Variants in GSTO1 observed in about 807,000 individuals in gnomAD.
GSTO1 encodes the protein glutathione S-transferase omega 1.
GSTO1 carries 27 observed loss-of-function variants against 23.8 expected under a neutral mutation model. The ratio of observed to expected loss-of-function variants is 1.13; its 90% confidence interval spans 0.83 to 1.56. The LOEUF is 1.56. Ranked by LOEUF, GSTO1 falls within the 40% of genes most tolerant of loss-of-function variation. GSTO1 has a pLI of 0.00. For missense variants in GSTO1, 255 were observed against 285.8 expected (o/e 0.89, Z 0.78); for synonymous variants, 105 against 109.3 (o/e 0.96, Z 0.25).
At chr10:104,255,064 G>A in intron 1 of GSTO1, 99 bp from the exon 2 acceptor site, 10 of 1,446,078 alleles carry the variant, frequency 6.9e-6, no homozygotes, top group Non-Finnish European at 9.5e-6. Flanking sequence ...CCCCACCGGC[G>A]GGGAACGGGT....
rs578211603 is a variant in GSTO1, at chr10:104,262,945, A to G, written c.367-34A>G. On this transcript the variant is annotated intron_variant, in intron 3 of 5. Transcript: ENST00000369713. ...TGAGGGGGCCGATACAGTTAGCCAT[A>G]AACTGATAAACTAAGAAATTATTCT... 7.9e-5 allele frequency: 74 copies of G among 932,784 alleles called. 2 individuals are homozygous for G. The South Asian group carries it at 1.0e-3, about 13-fold the overall frequency. The allele number at this position is 932,784 out of a possible 1,614,324, so 57.8% of individuals were successfully genotyped here. A position where few individuals can be genotyped will look rare whatever the true frequency, so the allele number is the denominator to read the frequency against.
Position 104,267,152 on chromosome 10 carries a change from A to G in GSTO1, c.573-100A>G, listed in dbSNP as rs58089981. ...ATATTTTTAATGAAATATTTAAGGGAAAAAAGTGAAACTGTAGAGTAATAA... is the reference window on the plus strand; with the variant it reads ...ATATTTTTAATGAAATATTTAAGGGGAAAAAGTGAAACTGTAGAGTAATAA... On this transcript the variant is annotated intron_variant, in intron 5 of 5. Coordinates refer to ENST00000369713, the MANE Select transcript of GSTO1 (RefSeq NM_004832.3). 16,087 of 675,592 alleles carry G rather than the reference A, an allele frequency of 0.024. 1,890 individuals carry two copies. The African/African-American group carries it at 0.26, about 11-fold the overall frequency. The allele number at this position is 675,592 out of a possible 1,614,324, so 41.8% of individuals were successfully genotyped here.
intron 4 of GSTO1, among the ~76,000 whole-genome samples, chr10:104,265,799 C>A (rs538980861): frequency 1.8e-3 from 274 of 152,274 alleles, no homozygotes; most frequent in African/African-American, 6.2e-3. Flanking sequence ...TCCCAGGAAT[C>A]CTTTCTATAT....
At position 104,259,587 on chromosome 10, in the gene GSTO1, T is replaced by C. The variant is rs1297390928; in HGVS notation, c.155T>C (p.Ile52Thr). Reference protein sequence around the residue: ...LKAKGIRHEVININLKNKPEW... With the variant: ...LKAKGIRHEVTNINLKNKPEW... Reference sequence around the variant, plus strand: ...TATGTGTCTTTCAGGCATGAAGTCATCAATATCAACCTGAAAAATAAGCCT... The same window carrying C: ...TATGTGTCTTTCAGGCATGAAGTCACCAATATCAACCTGAAAAATAAGCCT... Residue 52 changes from isoleucine (I) to threonine (T), a missense_variant, in exon 3 of 6, where the codon ATC (isoleucine) becomes ACC (threonine). Physicochemically the swap from Ile to Thr is moderately conservative, Grantham distance 89. Coordinates refer to ENST00000369713, the MANE Select transcript of GSTO1 (RefSeq NM_004832.3). The C allele has an allele frequency of 2.5e-6, 4 of 1,604,780 alleles. No homozygotes were observed. Among genetic ancestry groups the C allele is most frequent in the Non-Finnish European group, 3.4e-6 (4 of 1,171,764 alleles).
In GSTO1 at chr10:104,255,157, C is replaced by T. The variant is rs112099039; in HGVS notation, c.35-6C>T. 2.5e-6 allele frequency: 4 copies of T among 1,608,242 alleles called. No individual in the cohort carries two copies. Among genetic ancestry groups the T allele is most frequent in the Admixed American group, 1.7e-5 (1 of 59,894 alleles). ...GGCCGTAATCGCCTTCGCTTCTCCCCGGCAGGAAGCGCGCCCCCGGGGCCG... is the reference window on the plus strand; with the variant it reads ...GGCCGTAATCGCCTTCGCTTCTCCCTGGCAGGAAGCGCGCCCCCGGGGCCG... On this transcript the variant is annotated splice_polypyrimidine_tract_variant and splice_region_variant and intron_variant, in intron 1 of 5. Transcript: ENST00000369713.
At chr10:104,260,644 T>G (rs1433392521) in intron 3 of GSTO1, among the ~76,000 whole-genome samples, 1 of 152,248 alleles carries the variant, frequency 6.6e-6, no homozygotes, top group Non-Finnish European at 1.5e-5. Context: ...GACTAAAAGA[T>G]GTGTGTTTAG....
Position 104,254,899 on chromosome 10 carries a change from C to G in GSTO1, c.-30C>G. Reference sequence around the variant, plus strand: ...CTACTTCCTGAATCCCCTGCAAACCCCAGAGGAGCTCGGCCTGCGCTGCGC... The same window carrying G: ...CTACTTCCTGAATCCCCTGCAAACCGCAGAGGAGCTCGGCCTGCGCTGCGC... On this transcript the variant is annotated 5_prime_UTR_variant, in exon 1 of 6. Transcript: ENST00000369713. 1.2e-6 allele frequency: 2 copies of G among 1,608,962 alleles called. No homozygotes were observed. The highest frequency in any genetic ancestry group is 1.7e-6 in the Non-Finnish European group (2 of 1,177,482).
At chr10:104,257,849 GATTT>G (rs913833851) in intron 2 of GSTO1, among the ~76,000 whole-genome samples, 3 of 152,132 alleles carry the variant, frequency 2.0e-5, no homozygotes, top group Non-Finnish European at 4.4e-5. Flanking sequence ...CATTTCCACA[GATTT>G]ATTCATTCAT....
chr10:104,259,867 T>C, intron 3 of GSTO1, 69 bp downstream of exon 3: 2 of 982,090 alleles, frequency 2.0e-6, no homozygotes, highest in Non-Finnish European at 3.2e-6. Context: ...AGTGCTGCCA[T>C]TTATGGTTCA....
intron 4 of GSTO1, among the ~76,000 whole-genome samples, chr10:104,265,205 C>A (rs1291379343): frequency 6.6e-6 from 1 of 152,142 alleles, no homozygotes; most frequent in Non-Finnish European, 1.5e-5. Flanking sequence ...AGCCATGGAA[C>A]CAGCACCCAT....
intron 2 of GSTO1, among the ~76,000 whole-genome samples, chr10:104,255,669 T>G (rs1037221124): frequency 1.1e-4 from 16 of 152,240 alleles, no homozygotes; most frequent in Non-Finnish European, 1.5e-4. Flanking sequence ...TTAGTTGTTA[T>G]TCTGAATGTA....
chr10:104,258,798 C>G (rs1000711862), intron 2 of GSTO1, among the ~76,000 whole-genome samples: 2 of 151,760 alleles, frequency 1.3e-5, no homozygotes, highest in African/African-American at 4.8e-5. Context: ...CAGTGAGCTG[C>G]GATCAAGCCA....
rs749278264 is a variant in GSTO1 at position 104,254,920 on chromosome 10, T to A, written c.-9T>A. ...AACCCCAGAGGAGCTCGGCCTGCGC[T>A]GCGCCACGATGTCCGGGGAGTCAGC... On this transcript the variant is annotated 5_prime_UTR_variant, in exon 1 of 6. Transcript: ENST00000369713. 9 of 1,611,396 alleles carry A rather than the reference T, an allele frequency of 5.6e-6. No individual in the cohort carries two copies. Among genetic ancestry groups the A allele is most frequent in the South Asian group, 5.5e-5 (5 of 90,444 alleles).
At chr10:104,255,871 G>A (rs749530530) in intron 2 of GSTO1, among the ~76,000 whole-genome samples, 1 of 152,120 alleles carries the variant, frequency 6.6e-6, no homozygotes. Context: ...TTTGACTTAC[G>A]GGCTATCCAC....
intron 3 of GSTO1, among the ~76,000 whole-genome samples, chr10:104,260,732 C>G (rs2011131799): frequency 6.6e-6 from 1 of 152,128 alleles, no homozygotes; most frequent in Non-Finnish European, 1.5e-5. Flanking sequence ...AAAGGATTAT[C>G]TTTAGAGAAA....
intron 2 of GSTO1, among the ~76,000 whole-genome samples, chr10:104,255,929 ATT>A (rs2091601098): frequency 1.3e-5 from 2 of 152,224 alleles, no homozygotes; most frequent in Non-Finnish European, 2.9e-5. Context: ...CCAAGTATCC[ATT>A]GGAACCACTT....
chr10:104,254,188 G>C (rs1194109084), upstream of GSTO1: 1 of 152,168 alleles, frequency 6.6e-6, no homozygotes, highest in Non-Finnish European at 1.5e-5. Flanking sequence ...TTTCTCCAGC[G>C]AGAGGAAGGA....
At chr10:104,259,829 T>A in intron 3 of GSTO1, 31 bp downstream of exon 3, 3 of 1,445,858 alleles carry the variant, frequency 2.1e-6, no homozygotes, top group Non-Finnish European at 2.9e-6. Flanking sequence ...AGCTCCTATT[T>A]GAAAAACCTG....
At chr10:104,263,954 A>C (rs1366825531) in intron 4 of GSTO1, among the ~76,000 whole-genome samples, 1 of 132,308 alleles carries the variant, frequency 7.6e-6, no homozygotes, top group Non-Finnish European at 1.5e-5. Flanking sequence ...TAGCATTCCT[A>C]AGATAAAACC....
Sources: allele counts gnomAD v4.1 joint callset (sites outside exome capture counted in the v4.1 genomes callset), GRCh38; gene constraint gnomAD v4.1.1; transcripts MANE v1.5; gene names NCBI Gene and HGNC (gene_info 2026-07-23, HGNC 2026-07-21).